Variants in DGKI observed in about 807,000 individuals in gnomAD.
DGKI encodes the protein DAG kinase iota.
In DGKI, 55 loss-of-function variants were observed where a neutral mutation model predicts 147.5. The ratio of observed to expected loss-of-function variants is 0.37; its 90% CI spans 0.30 to 0.47. DGKI has a LOEUF of 0.47. DGKI is among the 20% of genes least tolerant of loss of function. The pLI is 1.00. For synonymous variants in DGKI, 469 were observed against 477.1 expected (o/e 0.98, Z 0.22); for missense variants, 1,007 against 1,323.8 (o/e 0.76, Z 3.71).
Position 137,384,113 on chromosome 7 carries a change from T to A in DGKI, c.*7107A>T, listed in dbSNP as rs553781494. ...TGTCAGGGCCATTTTTAACATTTTTTGTTGCAGCATTCAGAAATTATATCA... is the reference window on the plus strand; with the variant it reads ...TGTCAGGGCCATTTTTAACATTTTTAGTTGCAGCATTCAGAAATTATATCA... On this transcript the variant is annotated 3_prime_UTR_variant, in exon 33 of 33. Coordinates refer to ENST00000614521, the MANE Select transcript of DGKI (RefSeq NM_001321708.2). The A allele has an allele frequency of 6.6e-6, 1 of 152,206 alleles. No homozygotes were observed. The highest frequency in any genetic ancestry group is 2.1e-4 in the South Asian group (1 of 4,828). 9.4% of individuals were successfully genotyped at this position (152,206 alleles called of 1,614,324 possible).
At chr7:137,819,500 C>T (rs796528647) in intron 1 of DGKI, among the ~76,000 whole-genome samples, 14 of 152,086 alleles carry the variant, frequency 9.2e-5, no homozygotes, top group African/African-American at 3.1e-4. Flanking sequence ...TTAGTAGAGA[C>T]GGGGTTTCAC....
chr7:137,496,831 G>T (rs1483698488), intron 21 of DGKI, among the ~76,000 whole-genome samples: 1 of 151,852 alleles, frequency 6.6e-6, no homozygotes, highest in Non-Finnish European at 1.5e-5. Flanking sequence ...GTAAAACCTA[G>T]ACCTATAAAA....
intron 20 of DGKI, among the ~76,000 whole-genome samples, chr7:137,549,356 G>C (rs1055480814): frequency 6.6e-6 from 1 of 152,134 alleles, no homozygotes; most frequent in Admixed American, 6.5e-5. Context: ...AGGAGCACTG[G>C]CATCTAAGTG....
At chr7:137,475,907 TAAAAA>T (rs1011233952) in intron 23 of DGKI, among the ~76,000 whole-genome samples, 1 of 147,450 alleles carries the variant, frequency 6.8e-6, no homozygotes, top group East Asian at 2.0e-4. Context: ...GCTTGGTAAT[TAAAAA>T]AAAAAATAGA....
chr7:137,626,858 C>A (rs377581641), intron 6 of DGKI, among the ~76,000 whole-genome samples: 1 of 152,136 alleles, frequency 6.6e-6, no homozygotes, highest in Non-Finnish European at 1.5e-5. Context: ...CACTGCCACC[C>A]GGTGAAATGA....
At chr7:137,517,337 A>AAGAGAGAG (rs1278420755) in intron 21 of DGKI, among the ~76,000 whole-genome samples, 3 of 116,702 alleles carry the variant, frequency 2.6e-5, no homozygotes, top group African/African-American at 9.4e-5. Flanking sequence ...GAAAGAAAGA[A>AAGAGAGAG]AGAGAAAGAA....
At chr7:137,742,367 G>A (rs1045575813) in intron 1 of DGKI, among the ~76,000 whole-genome samples, 4 of 152,086 alleles carry the variant, frequency 2.6e-5, no homozygotes, top group African/African-American at 9.7e-5. Context: ...CCTAGGTAGG[G>A]CCCCTTCTGC....
chr7:137,716,548 T>C (rs1368721291), intron 1 of DGKI, among the ~76,000 whole-genome samples: 1 of 151,992 alleles, frequency 6.6e-6, no homozygotes, highest in African/African-American at 2.4e-5. Context: ...TAATGAAAAA[T>C]GAAATCACTA....
chr7:137,478,541 C>T (rs1815258013), intron 23 of DGKI, among the ~76,000 whole-genome samples: 1 of 152,196 alleles, frequency 6.6e-6, no homozygotes, highest in Non-Finnish European at 1.5e-5. Context: ...TACTAATCCA[C>T]ACAGCTCACA....
intron 1 of DGKI, among the ~76,000 whole-genome samples, chr7:137,712,506 A>G (rs997195256): frequency 2.6e-5 from 4 of 152,216 alleles, no homozygotes; most frequent in Non-Finnish European, 4.4e-5. Flanking sequence ...TAAAATTAGG[A>G]ATAGAAAGAT....
In DGKI at chr7:137,385,374, T is replaced by G. The variant is rs1210706296; in HGVS notation, c.*5846A>C. Reference sequence around the variant, plus strand: ...GAGTTTTTAAAATAAAATCCTGCCATTCAACAAAGCCATTAAAAAATATCT... The same window carrying G: ...GAGTTTTTAAAATAAAATCCTGCCAGTCAACAAAGCCATTAAAAAATATCT... On this transcript the variant is annotated 3_prime_UTR_variant, in exon 33 of 33. Transcript: ENST00000614521. 3 of 152,100 alleles carry G rather than the reference T, an allele frequency of 2.0e-5. No homozygotes were observed. The highest frequency in any genetic ancestry group is 2.0e-4 in the Admixed American group (3 of 15,240). The allele number at this position is 152,100 out of a possible 1,614,324, so 9.4% of individuals were successfully genotyped here. A position where few individuals can be genotyped will look rare whatever the true frequency, so the allele number is the denominator to read the frequency against.
At chr7:137,679,085 A>C (rs1462939770) in intron 2 of DGKI, among the ~76,000 whole-genome samples, 2 of 152,264 alleles carry the variant, frequency 1.3e-5, no homozygotes, top group African/African-American at 2.4e-5. Flanking sequence ...TGGTAGCATT[A>C]AAGTATTTTA....
intron 7 of DGKI, among the ~76,000 whole-genome samples, chr7:137,620,164 G>C (rs1820696757): frequency 6.6e-6 from 1 of 152,002 alleles, no homozygotes; most frequent in Non-Finnish European, 1.5e-5. Context: ...CAGGAGCTTA[G>C]AGACCAGACT....
intron 1 of DGKI, among the ~76,000 whole-genome samples, chr7:137,738,030 A>G (rs1795074398): frequency 6.6e-6 from 1 of 152,186 alleles, no homozygotes; most frequent in Admixed American, 6.6e-5. Flanking sequence ...AAGCTTTATT[A>G]AGAGTTTTCA....
intron 20 of DGKI, among the ~76,000 whole-genome samples, chr7:137,547,628 T>C (rs768498336): frequency 6.6e-6 from 1 of 152,128 alleles, no homozygotes; most frequent in Non-Finnish European, 1.5e-5. Context: ...GATTCATGTG[T>C]GAGTCGCTGA....
intron 28 of DGKI, among the ~76,000 whole-genome samples, chr7:137,414,638 G>C (rs369686159): frequency 6.6e-6 from 1 of 151,916 alleles, no homozygotes; most frequent in Admixed American, 6.6e-5. Context: ...GAGGTATAGA[G>C]GCCCAAATCA....
intron 6 of DGKI, among the ~76,000 whole-genome samples, chr7:137,624,917 C>T (rs1052369465): frequency 1.3e-5 from 2 of 152,082 alleles, no homozygotes; most frequent in Non-Finnish European, 2.9e-5. Context: ...TCTCTCCTCT[C>T]TTGATTTCCT....
chr7:137,726,574 T>C (rs1165885545), intron 1 of DGKI, among the ~76,000 whole-genome samples: 3 of 152,234 alleles, frequency 2.0e-5, no homozygotes, highest in Non-Finnish European at 4.4e-5. Flanking sequence ...CAGATTCTAA[T>C]TTAATAAATC....
At chr7:137,651,682 G>A (rs992240135) in intron 5 of DGKI, among the ~76,000 whole-genome samples, 1 of 152,148 alleles carries the variant, frequency 6.6e-6, no homozygotes, top group African/African-American at 2.4e-5. Flanking sequence ...AGACGGAAGA[G>A]AACATAGAAA....
Sources: gnomAD v4.1 joint callset for allele counts (sites outside exome capture counted in the v4.1 genomes callset) on GRCh38, gnomAD v4.1.1 for gene constraint, MANE v1.5 for transcripts, NCBI Gene and HGNC (gene_info 2026-07-23, HGNC 2026-07-21) for gene names.